The following FAM222B variants were observed in gnomAD, a reference collection of about 807,000 sequenced individuals.
FAM222B encodes family with sequence similarity 222 member B.
FAM222B carries 12 observed loss-of-function variants against 38.0 expected under a neutral mutation model. That is an observed-to-expected ratio of 0.32 (90% CI 0.20 to 0.51). The LOEUF is 0.51. FAM222B is among the 20% of genes least tolerant of loss of function. The probability of loss-of-function intolerance (pLI) is 0.97; values close to 1 mark genes in which losing one functional copy is unlikely to be tolerated. For missense variants in FAM222B, 716 were observed against 754.2 expected (o/e 0.95, Z 0.59); for synonymous variants, 329 against 317.2 (o/e 1.04, Z -0.40).
At chr17:28,804,145 C>A (rs1286641900) in intron 1 of FAM222B, among the ~76,000 whole-genome samples, 2 of 152,132 alleles carry the variant, frequency 1.3e-5, no homozygotes, top group East Asian at 3.8e-4. Context: ...ATCTTCTCCT[C>A]CCCTTGGCAA....
chr17:28,837,171 C>A lies in FAM222B; in HGVS notation c.-41+5511G>T, dbSNP rs371647531. 1.5e-4 allele frequency among the ~76,000 whole-genome samples: 23 copies of A among 151,902 alleles called. No homozygotes were observed. In the South Asian group the frequency reaches 2.3e-3, roughly 15 times the overall value. ...AAAGGCCAGGTGCGGTGGCTCACGC[C>A]TGTAATCCCTGCACTTTGGAAGGCT... On this transcript the variant is annotated intron_variant, in intron 1 of 2. Coordinates refer to ENST00000581407, the MANE Select transcript of FAM222B (RefSeq NM_001077498.3).
chr17:28,758,867 G>C lies in FAM222B; in HGVS notation c.1092C>G (p.Thr364=). 6.2e-7 allele frequency: 1 copy of C among 1,607,042 alleles called. No individual in the cohort carries two copies. Residue 364 remains threonine, a synonymous_variant, in exon 3 of 3, where the codon ACC becomes ACG. Transcript: ENST00000581407. The part of the protein sequence containing the change: ...TGYPSDLKPV[T]WNQHQLAHLQ... ...GGTGGGCCAGCTGGTGCTGGTTCCA[G>C]GTGACTGGCTTGAGGTCGCTAGGGT...
chr17:28,780,813 C>T (rs981008183), intron 1 of FAM222B, among the ~76,000 whole-genome samples: 2 of 151,290 alleles, frequency 1.3e-5, no homozygotes, highest in African/African-American at 2.4e-5. Flanking sequence ...ACTTGGGAGG[C>T]GGAGGTTGCA....
chr17:28,762,520 G>T (rs1370164828), intron 2 of FAM222B, among the ~76,000 whole-genome samples: 3 of 151,154 alleles, frequency 2.0e-5, no homozygotes, highest in African/African-American at 7.3e-5. Flanking sequence ...CCAGCTACTT[G>T]GGAGGCTGAG....
At chr17:28,784,201 C>A (rs556214411) in intron 1 of FAM222B, among the ~76,000 whole-genome samples, 11 of 152,126 alleles carry the variant, frequency 7.2e-5, no homozygotes, top group African/African-American at 2.6e-4. Flanking sequence ...TTGTGGGGCA[C>A]AGTGGCTCAC....
At chr17:28,833,607 T>C (rs1281802904) in intron 1 of FAM222B, among the ~76,000 whole-genome samples, 3 of 127,070 alleles carry the variant, frequency 2.4e-5, no homozygotes, top group African/African-American at 6.1e-5. Context: ...AGTGAGACTT[T>C]GTCTCAAAAA....
Position 28,769,160 on chromosome 17 carries a change from C to T in FAM222B, c.-40-2453G>A, listed in dbSNP as rs186265421. On this transcript the variant is annotated intron_variant, in intron 1 of 2. Transcript: ENST00000581407. ...TTTATCACCCAATCTATTCTCTATT[C>T]AGCAATGTTAGTTCTTTTTTTTTTT... Among the ~76,000 whole-genome samples, 463 of 146,546 alleles carry T rather than the reference C, an allele frequency of 3.2e-3. 6 individuals are homozygous for T. The highest frequency in any genetic ancestry group is 0.011 in the African/African-American group (428 of 40,384).
chr17:28,801,493 G>C (rs1463619084), intron 1 of FAM222B, among the ~76,000 whole-genome samples: 2 of 151,068 alleles, frequency 1.3e-5, no homozygotes, highest in Non-Finnish European at 2.9e-5. Flanking sequence ...TTCTGGGAGA[G>C]TAAGATAAGC....
rs2034758042 is a variant in FAM222B at position 28,757,452 on chromosome 17, T to C, written c.*818A>G. 6.6e-6 allele frequency: 1 copy of C among 151,190 alleles called. No homozygotes were observed. The highest frequency in any genetic ancestry group is 6.6e-5 in the Admixed American group (1 of 15,136). The allele number at this position is 151,190 out of a possible 1,614,324, so 9.4% of individuals were successfully genotyped here. On this transcript the variant is annotated 3_prime_UTR_variant, in exon 3 of 3. Transcript: ENST00000581407. ...TACCTACCTAATTCCTCAAGTAAGG[T>C]AGATTTTGTTTTTGTTGAGGGGGAA... is the stretch of plus-strand genomic sequence containing the variant.
chr17:28,762,042 T>A (rs2035100889), intron 2 of FAM222B: 1 of 152,144 alleles, frequency 6.6e-6, no homozygotes, highest in African/African-American at 2.4e-5. Context: ...GAGGTTTTTT[T>A]TAGCAGAGGC....
chr17:28,769,014 T>C (rs1029653219), intron 1 of FAM222B, among the ~76,000 whole-genome samples: 2 of 151,826 alleles, frequency 1.3e-5, no homozygotes, highest in Non-Finnish European at 2.9e-5. Flanking sequence ...GGGGCTTTAG[T>C]GATGTTTTCT....
At chr17:28,834,633 T>C (rs1460493562) in intron 1 of FAM222B, 1 of 152,148 alleles carries the variant, frequency 6.6e-6, no homozygotes, top group African/African-American at 2.4e-5. Flanking sequence ...GCAGAACTAA[T>C]GTTCCCATAG....
intron 1 of FAM222B, among the ~76,000 whole-genome samples, chr17:28,768,558 C>T (rs961383602): frequency 2.6e-5 from 4 of 151,914 alleles, no homozygotes; most frequent in African/African-American, 4.8e-5. Context: ...AAGTCTTGGC[C>T]GGGCACGGTG....
At chr17:28,824,549 C>A (rs919764697) in intron 1 of FAM222B, among the ~76,000 whole-genome samples, 1 of 152,082 alleles carries the variant, frequency 6.6e-6, no homozygotes, top group Non-Finnish European at 1.5e-5. Flanking sequence ...CCATTTACCT[C>A]CCTGGTTGCT....
intron 1 of FAM222B, among the ~76,000 whole-genome samples, chr17:28,768,083 G>T (rs1411080300): frequency 6.6e-6 from 1 of 152,208 alleles, no homozygotes; most frequent in Non-Finnish European, 1.5e-5. Context: ...GCCTTCTGTA[G>T]CGAAAGAAGC....
chr17:28,811,282 T>C (rs924032557), intron 1 of FAM222B, among the ~76,000 whole-genome samples: 21 of 151,740 alleles, frequency 1.4e-4, no homozygotes, highest in African/African-American at 4.8e-4. Context: ...CTACTAAAAA[T>C]ACAAAAAATT....
intron 1 of FAM222B, among the ~76,000 whole-genome samples, chr17:28,790,761 T>C (rs1597925381): frequency 6.6e-6 from 1 of 151,888 alleles, no homozygotes; most frequent in East Asian, 1.9e-4. Context: ...CCCTTGTTTA[T>C]AGGAAATACT....
At chr17:28,773,518 A>G (rs1388848018) in intron 1 of FAM222B, among the ~76,000 whole-genome samples, 3 of 149,612 alleles carry the variant, frequency 2.0e-5, no homozygotes, top group South Asian at 2.1e-4. Flanking sequence ...CTGGGATCCA[A>G]TCAGGCACAT....
In FAM222B at chr17:28,757,344, T is replaced by C. The variant is rs2034751580; in HGVS notation, c.*926A>G. The C allele has an allele frequency of 6.6e-6, 1 of 152,372 alleles. No homozygotes were observed. Among genetic ancestry groups the C allele is most frequent in the Non-Finnish European group, 1.5e-5 (1 of 68,012 alleles). 9.4% of individuals were successfully genotyped at this position (152,372 alleles called of 1,614,324 possible). A position where few individuals can be genotyped will look rare whatever the true frequency, so the allele number is the denominator to read the frequency against. ...GTTTAAAACTTACAGTGTAGAGCAA[T>C]ATTCTTAGCCAGTGTAGAGAGAACC... On this transcript the variant is annotated 3_prime_UTR_variant, in exon 3 of 3. Transcript: ENST00000581407.
Sources: allele counts gnomAD v4.1 joint callset (sites outside exome capture counted in the v4.1 genomes callset), GRCh38; gene constraint gnomAD v4.1.1; transcripts MANE v1.5; gene names NCBI Gene and HGNC (gene_info 2026-07-23, HGNC 2026-07-21).